The following PRDM4 variants were observed in gnomAD, a reference collection of about 807,000 sequenced individuals.
The protein encoded by PRDM4 is PR/SET domain 4.
Under a neutral mutation model 62.3 loss-of-function variants are expected in PRDM4, and 38 were observed. That is an observed-to-expected ratio of 0.61 (90% CI 0.47 to 0.80). The LOEUF is 0.80. PRDM4 is among the 30% of genes least tolerant of loss of function. The pLI is 0.00. For missense variants in PRDM4, 858 were observed against 997.1 expected, an observed-to-expected ratio of 0.86 and a Z score of 1.88; for synonymous variants, 339 against 348.2, an observed-to-expected ratio of 0.97 and a Z score of 0.30.
At chr12:107,742,472 T>C (rs1890548646) in intron 8 of PRDM4, 124 bp from the exon 9 acceptor site, 4 of 1,176,248 alleles carry the variant, frequency 3.4e-6, no homozygotes, top group Non-Finnish European at 4.8e-6. Context: ...TCCTCTGGAA[T>C]GTTTTTGTAA....
chr12:107,752,504 G>A (rs7303327), intron 4 of PRDM4, among the ~76,000 whole-genome samples: 44,423 of 151,848 alleles, frequency 0.29, 8,182 homozygotes, highest in Middle Eastern at 0.43. Flanking sequence ...GAGTCCTAAG[G>A]TGTAAAATTT....
chr12:107,735,185 G>A (rs1890289507), intron 11 of PRDM4, among the ~76,000 whole-genome samples: 1 of 151,976 alleles, frequency 6.6e-6, no homozygotes, highest in Admixed American at 6.6e-5. Flanking sequence ...TTTTATACTT[G>A]TATGGTGCTC....
chr12:107,755,236 G>A lies in PRDM4; in HGVS notation c.146-1127C>T, dbSNP rs370932708. ...GTAGCTCCTACGTAGCTGGGACTAC[G>A]GGTGTGTGCCACCATGCGCTGCTAA... On this transcript the variant is annotated intron_variant, in intron 3 of 11. Coordinates refer to ENST00000228437, the MANE Select transcript of PRDM4 (RefSeq NM_012406.4). 5.3e-5 allele frequency among the ~76,000 whole-genome samples: 8 copies of A among 151,976 alleles called. 1 individual carries two copies. In the East Asian group the frequency reaches 7.7e-4, roughly 15 times the overall value.
rs770018153 is a variant in PRDM4, at chr12:107,734,537, A to G, written c.2094-15T>C. ...TCTGGCGTTCTCTAAGAGGAACACA[A>G]GAAAAAACATTTGATTTGGGGTTAC... On this transcript the variant is annotated splice_polypyrimidine_tract_variant and intron_variant, in intron 11 of 11. Coordinates refer to ENST00000228437, the MANE Select transcript of PRDM4 (RefSeq NM_012406.4). 1 of 1,596,324 alleles carries G rather than the reference A, an allele frequency of 6.3e-7. No homozygotes were observed. Among genetic ancestry groups the G allele is most frequent in the African/African-American group, 1.3e-5 (1 of 74,088 alleles).
At position 107,751,651 on chromosome 12, in the gene PRDM4, T is replaced by C. The variant is rs1890898949; in HGVS notation, c.890A>G (p.Asn297Ser). 6.2e-7 allele frequency: 1 copy of C among 1,614,040 alleles called. No individual in the cohort carries two copies. The highest frequency in any genetic ancestry group is 1.1e-5 in the South Asian group (1 of 91,074). Residue 297 changes from asparagine (N) to serine (S), a missense_variant, in exon 5 of 12, where the codon AAC (asparagine) becomes AGC (serine). Physicochemically the swap from Asn to Ser is conservative, Grantham distance 46. Around this residue, in one of 3 missense-constraint regions of PRDM4, gnomAD observed 499 missense variants for 546.7 expected, o/e 0.91. Transcript: ENST00000228437. ...DSIHTVAMST[N>S]SVSVALSTSH... Reference sequence around the variant, plus strand: ...GGTAGAGAGTGCCACGCTTACAGAGTTGGTGCTCATGGCCACAGTGTGAAT... The same window carrying C: ...GGTAGAGAGTGCCACGCTTACAGAGCTGGTGCTCATGGCCACAGTGTGAAT...
At position 107,751,760 on chromosome 12, in the gene PRDM4, C is replaced by A; in HGVS notation, c.781G>T (p.Gly261Cys). Residue 261 changes from glycine to cysteine, a missense_variant, in exon 5 of 12, where the codon GGC (glycine) becomes TGC (cysteine). Around this residue, in one of 3 missense-constraint regions of PRDM4, gnomAD observed 499 missense variants for 546.7 expected, o/e 0.91. Coordinates refer to ENST00000228437, the MANE Select transcript of PRDM4 (RefSeq NM_012406.4). ...HGGVIPMHGN[G>C]LELPVVMETD... The stretch of plus-strand genomic sequence containing the variant: ...TCCATGACCACAGGGAGCTCCAGGC[C>A]ATTCCCATGCATGGGTATCACACCA... 6.2e-7 allele frequency: 1 copy of A among 1,614,210 alleles called. No homozygotes were observed. The highest frequency in any genetic ancestry group is 8.5e-7 in the Non-Finnish European group (1 of 1,180,040).
chr12:107,735,516 A>G (rs1890298954), intron 11 of PRDM4, among the ~76,000 whole-genome samples: 1 of 151,828 alleles, frequency 6.6e-6, no homozygotes, highest in South Asian at 2.1e-4. Context: ...GACTGCCTCT[A>G]TGGGGACATT....
chr12:107,736,916 T>G (rs535078504), intron 11 of PRDM4: 3 of 152,360 alleles, frequency 2.0e-5, no homozygotes, highest in Admixed American at 2.0e-4. Context: ...TTTAATGAGC[T>G]GCTCAGCACT....
intron 5 of PRDM4, among the ~76,000 whole-genome samples, chr12:107,747,107 A>G (rs541745292): frequency 6.6e-6 from 1 of 152,236 alleles, no homozygotes; most frequent in South Asian, 2.1e-4. Context: ...ACACAGTGAG[A>G]TCCCATCTGT....
rs199904457 is a variant in PRDM4, at chr12:107,751,389, A to C, written c.1126+26T>G. On this transcript the variant is annotated intron_variant, in intron 5 of 11. Transcript: ENST00000228437. ...GGTGGCCCTTTTTACAAATATTTCCAAAAAAGAAAGGCTAAACACACTCAC... is the reference window on the plus strand; with the variant it reads ...GGTGGCCCTTTTTACAAATATTTCCCAAAAAGAAAGGCTAAACACACTCAC... 4 of 1,574,134 alleles carry C rather than the reference A, an allele frequency of 2.5e-6. No individual in the cohort carries two copies. The African/African-American group carries it at 4.1e-5, about 16-fold the overall frequency.
intron 11 of PRDM4, chr12:107,736,496 A>C (rs905706271): frequency 6.6e-6 from 1 of 152,334 alleles, no homozygotes; most frequent in African/African-American, 2.4e-5. Flanking sequence ...AGAGTGGCCA[A>C]AGCAGAATAT....
chr12:107,739,363 T>G lies in PRDM4; in HGVS notation c.2093+20A>C. 2 of 1,609,818 alleles carry G rather than the reference T, an allele frequency of 1.2e-6. No homozygotes were observed. Among genetic ancestry groups the G allele is most frequent in the Middle Eastern group, 4.0e-4 (2 of 5,038 alleles). On this transcript the variant is annotated intron_variant, in intron 11 of 11. Transcript: ENST00000228437. ...GGCTCACCACCTGAGGAACGACGTCTTGGCTGCAGGGTAACTTACTGAGTG... is the reference window on the plus strand; with the variant it reads ...GGCTCACCACCTGAGGAACGACGTCGTGGCTGCAGGGTAACTTACTGAGTG...
intron 11 of PRDM4, chr12:107,736,623 T>C (rs1176795274): frequency 5.3e-5 from 8 of 152,286 alleles, no homozygotes; most frequent in Non-Finnish European, 1.2e-4. Context: ...CAGAGATGTA[T>C]GAGTGGAGAC....
rs1476073621 is a variant in PRDM4, at chr12:107,751,820, T to C, written c.721A>G (p.Ser241Gly). 2.5e-6 allele frequency: 4 copies of C among 1,614,106 alleles called. No individual in the cohort carries two copies. Among genetic ancestry groups the C allele is most frequent in the Non-Finnish European group, 2.5e-6 (3 of 1,180,038 alleles). The change falls in exon 5 of 12, where the codon AGC becomes GGC. Residue 241 changes from serine to glycine, a missense_variant. By Grantham distance (56) the Ser-to-Gly change is moderately conservative. Around this residue, in one of 3 missense-constraint regions of PRDM4, gnomAD observed 499 missense variants for 546.7 expected, o/e 0.91. Coordinates refer to ENST00000228437, the MANE Select transcript of PRDM4 (RefSeq NM_012406.4). ...ACAGCGTCTGCTGCAAGGTTGTTGC[T>C]CACAGAATCCACAGACAGAGGTTCA... Reference protein sequence around the residue: ...SHEPLSVDSVSNNLAADAVGH... With the variant: ...SHEPLSVDSVGNNLAADAVGH...
rs779386897 is a variant in PRDM4, at chr12:107,741,234, G to C, written c.1636C>G (p.Leu546Val). ...TTGCACTCCTTGCCACAGTTACAGAGATGCACATCTGGGTGTTCAGGAACA... is the reference window on the plus strand; with the variant it reads ...TTGCACTCCTTGCCACAGTTACAGACATGCACATCTGGGTGTTCAGGAACA... ...IGVPEHPDVH[L>V]CNCGKECNSY... is the part of the protein sequence containing the mutation. The change falls in exon 10 of 12, where the codon CTC becomes GTC. Residue 546 changes from leucine to valine, a missense_variant. Physicochemically the swap from Leu to Val is conservative, Grantham distance 32 (BLOSUM62 1). This residue lies in a region of PRDM4 where 355 missense variants were observed against 432.6 expected (regional missense o/e 0.82). Coordinates refer to ENST00000228437, the MANE Select transcript of PRDM4 (RefSeq NM_012406.4). 1 of 1,612,534 alleles carries C rather than the reference G, an allele frequency of 6.2e-7. No individual in the cohort carries two copies. The highest frequency in any genetic ancestry group is 8.5e-7 in the Non-Finnish European group (1 of 1,178,746).
At position 107,734,289 on chromosome 12, in the gene PRDM4, G is replaced by T; in HGVS notation, c.2327C>A (p.Ala776Glu). The part of the protein sequence containing the change: ...EEDDSEEEDL[A>E]DSVGTEDCRI... Reference sequence around the variant, plus strand: ...ACAGTCTTCTGTCCCCACAGAGTCTGCTAGATCTTCCTCTTCTGAGTCATC... The same window carrying T: ...ACAGTCTTCTGTCCCCACAGAGTCTTCTAGATCTTCCTCTTCTGAGTCATC... Residue 776 changes from alanine to glutamate, a missense_variant, in exon 12 of 12, where the codon GCA becomes GAA. Transcript: ENST00000228437. 6.2e-7 allele frequency: 1 copy of T among 1,614,170 alleles called. No homozygotes were observed. Among genetic ancestry groups the T allele is most frequent in the South Asian group, 1.1e-5 (1 of 91,082 alleles).
chr12:107,760,763 C>G lies in PRDM4; in HGVS notation c.-248G>C. 1.9e-6 allele frequency: 1 copy of G among 524,662 alleles called. No individual in the cohort carries two copies. Among genetic ancestry groups the G allele is most frequent in the Non-Finnish European group, 3.4e-6 (1 of 293,186 alleles). 32.5% of individuals were successfully genotyped at this position (524,662 alleles called of 1,614,324 possible). A position where few individuals can be genotyped will look rare whatever the true frequency, so the allele number is the denominator to read the frequency against. On this transcript the variant is annotated 5_prime_UTR_variant, in exon 2 of 12. Coordinates refer to ENST00000228437, the MANE Select transcript of PRDM4 (RefSeq NM_012406.4). ...CCGTCCAGAAGCTTCGGGAAGGGGG[C>G]TGCCCAACCTGGGGGAGTGGGGACA...
rs947765484 is a variant in PRDM4 at position 107,738,495 on chromosome 12, A to G, written c.2093+888T>C. ...ATATAACGTTTTCAGTGAAGGTAAG[A>G]TTTCTAAAGAGAATTTCCATAACAT... On this transcript the variant is annotated intron_variant, in intron 11 of 11. Transcript: ENST00000228437. 3.9e-5 allele frequency: 6 copies of G among 152,332 alleles called. No homozygotes were observed. In the South Asian group the frequency reaches 1.2e-3, roughly 32 times the overall value. The allele number at this position is 152,332 out of a possible 1,614,324, so 9.4% of individuals were successfully genotyped here. A position where few individuals can be genotyped will look rare whatever the true frequency, so the allele number is the denominator to read the frequency against.
At chr12:107,750,080 C>T (rs1481499255) in intron 5 of PRDM4, among the ~76,000 whole-genome samples, 1 of 152,180 alleles carries the variant, frequency 6.6e-6, no homozygotes, top group Admixed American at 6.5e-5. Context: ...TGCTCCCCTT[C>T]AGGCTACTTT....
Sources: allele counts gnomAD v4.1 joint callset (sites outside exome capture counted in the v4.1 genomes callset), GRCh38; gene constraint gnomAD v4.1.1; regional missense constraint gnomAD v4.1.1; transcripts MANE v1.5; gene names NCBI Gene and HGNC (gene_info 2026-07-23, HGNC 2026-07-21).